Variants in LITAF observed in about 807,000 individuals in gnomAD.
The protein encoded by LITAF is lipopolysaccharide induced TNF factor.
LITAF carries 9 observed loss-of-function variants against 14.5 expected under a neutral mutation model. The ratio of observed to expected loss-of-function variants is 0.62; its 90% confidence interval spans 0.37 to 1.08. LITAF has a LOEUF of 1.08. Among genes scored for constraint, LITAF ranks in the 50% least tolerant of loss-of-function variants. The pLI is 0.01. For synonymous variants in LITAF, 98 were observed against 88.2 expected, an observed-to-expected ratio of 1.11 and a Z score of -0.62; for missense variants, 206 against 213.4, an observed-to-expected ratio of 0.97 and a Z score of 0.22.
upstream of LITAF, among the ~76,000 whole-genome samples, chr16:11,638,561 CGTG>C (rs2065152159): frequency 6.6e-6 from 1 of 151,344 alleles, no homozygotes. Context: ...ATTAGCCGGG[CGTG>C]GTGGTGCATG....
At chr16:11,592,956 G>A (rs1386249814) in intron 1 of LITAF, among the ~76,000 whole-genome samples, 11 of 152,166 alleles carry the variant, frequency 7.2e-5, no homozygotes, top group Admixed American at 6.6e-4. Flanking sequence ...TGATCACGAG[G>A]TCAGGAGATC....
At chr16:11,550,487 C>A (rs951919927) in intron 3 of LITAF, among the ~76,000 whole-genome samples, 3 of 152,166 alleles carry the variant, frequency 2.0e-5, no homozygotes, top group Non-Finnish European at 2.9e-5. Flanking sequence ...TGTGATGACA[C>A]CCCTAGGAAA....
At chr16:11,636,120 T>C (rs1425629210) in intron 1 of LITAF, 1 of 152,176 alleles carries the variant, frequency 6.6e-6, no homozygotes, top group Non-Finnish European at 1.5e-5. Flanking sequence ...ATGGAGAAAT[T>C]TCCCTCCTTA....
intron 1 of LITAF, among the ~76,000 whole-genome samples, chr16:11,594,775 C>T (rs568586036): frequency 6.6e-6 from 1 of 152,028 alleles, no homozygotes; most frequent in Non-Finnish European, 1.5e-5. Flanking sequence ...TCTTGGGAGG[C>T]TGATGCAAGA....
intron 1 of LITAF, among the ~76,000 whole-genome samples, chr16:11,581,258 C>T (rs1160709941): frequency 6.6e-6 from 1 of 152,188 alleles, no homozygotes; most frequent in Admixed American, 6.6e-5. Context: ...AGAAAGTCTT[C>T]TCTCTCCCCT....
At chr16:11,582,512 G>A (rs1052777170) in intron 1 of LITAF, among the ~76,000 whole-genome samples, 8 of 152,062 alleles carry the variant, frequency 5.3e-5, no homozygotes, top group Non-Finnish European at 7.4e-5. Flanking sequence ...CTCGAAGATC[G>A]ATTCTTCCAG....
intron 3 of LITAF, among the ~76,000 whole-genome samples, chr16:11,609,392 T>G (rs1428139965): frequency 6.6e-6 from 1 of 151,902 alleles, no homozygotes; most frequent in African/African-American, 2.4e-5. Context: ...TTTTGTATTT[T>G]TAGTAGAGAT....
At chr16:11,603,585 G>A (rs1199310975) in intron 3 of LITAF, among the ~76,000 whole-genome samples, 2 of 152,250 alleles carry the variant, frequency 1.3e-5, no homozygotes, top group African/African-American at 2.4e-5. Context: ...GGACACAGCT[G>A]CCTGGCAAGG....
At chr16:11,627,509 G>C (rs1417090193) in intron 3 of LITAF, among the ~76,000 whole-genome samples, 2 of 152,222 alleles carry the variant, frequency 1.3e-5, no homozygotes, top group Non-Finnish European at 2.9e-5. Flanking sequence ...TCTGGTTTTT[G>C]CAGCATTCTG....
chr16:11,590,471 G>A (rs2064840808), upstream of LITAF, among the ~76,000 whole-genome samples: 2 of 117,164 alleles, frequency 1.7e-5, 1 homozygote, highest in South Asian at 5.1e-4. Context: ...TTAACTTTTA[G>A]TATAGTATTC....
chr16:11,577,089 G>A (rs2064648248), intron 1 of LITAF, among the ~76,000 whole-genome samples: 1 of 152,048 alleles, frequency 6.6e-6, no homozygotes, highest in Non-Finnish European at 1.5e-5. Flanking sequence ...CATCCTAATT[G>A]CTTCCTGTCT....
intron 3 of LITAF, among the ~76,000 whole-genome samples, chr16:11,615,974 G>T (rs1486691600): frequency 1.3e-5 from 2 of 152,152 alleles, no homozygotes; most frequent in African/African-American, 4.8e-5. Context: ...ATCACCAATG[G>T]CCATGATTTA....
chr16:11,584,410 G>A (rs1002387534), intron 1 of LITAF: 2 of 152,164 alleles, frequency 1.3e-5, no homozygotes, highest in African/African-American at 4.8e-5. Flanking sequence ...TCTGAGCAGT[G>A]AGGATGGGTA....
At chr16:11,627,918 G>A (rs1484750385) in intron 3 of LITAF, among the ~76,000 whole-genome samples, 1 of 150,902 alleles carries the variant, frequency 6.6e-6, no homozygotes, top group East Asian at 2.0e-4. Context: ...TCGGGAGGCC[G>A]AGGCAGGAAA....
At chr16:11,603,534 C>T (rs550715976) in intron 3 of LITAF, among the ~76,000 whole-genome samples, 25 of 152,322 alleles carry the variant, frequency 1.6e-4, no homozygotes, top group Non-Finnish European at 3.2e-4. Context: ...ATGGAACAGG[C>T]GCTCCAGTTT....
rs892669114 is a variant in LITAF, at chr16:11,549,885, G to A, written c.378-140C>T. The A allele has an allele frequency of 1.4e-5, 10 of 703,958 alleles. No homozygotes were observed. Among genetic ancestry groups the A allele is most frequent in the Non-Finnish European group, 2.3e-5 (9 of 392,922 alleles). 43.6% of individuals were successfully genotyped at this position (703,958 alleles called of 1,614,324 possible). Reference sequence around the variant, plus strand: ...AGGAATTTTGAGATGGGATCATCTTGGATTATCCAGGCGGACCCCTAAAAC... The same window carrying A: ...AGGAATTTTGAGATGGGATCATCTTAGATTATCCAGGCGGACCCCTAAAAC... On this transcript the variant is annotated intron_variant, in intron 3 of 3. Transcript: ENST00000622633. This position sits in a 1 kb window ranked among gnomAD's most constrained non-coding sequence, Gnocchi z 4.6.
At position 11,549,894 on chromosome 16, in the gene LITAF, A is replaced by G; in HGVS notation, c.378-149T>C. 1.5e-6 allele frequency: 1 copy of G among 683,904 alleles called. No individual in the cohort carries two copies. The highest frequency in any genetic ancestry group is 1.5e-5 in the South Asian group (1 of 66,758). 42.4% of individuals were successfully genotyped at this position (683,904 alleles called of 1,614,324 possible). A position where few individuals can be genotyped will look rare whatever the true frequency, so the allele number is the denominator to read the frequency against. The stretch of plus-strand genomic sequence containing the variant: ...GAGATGGGATCATCTTGGATTATCC[A>G]GGCGGACCCCTAAAACCCAATGACC... On this transcript the variant is annotated intron_variant, in intron 3 of 3. Coordinates refer to ENST00000622633, the MANE Select transcript of LITAF (RefSeq NM_001136472.2). The surrounding 1 kb of genome is among the most constrained non-coding windows in gnomAD (Gnocchi z 4.6).
At chr16:11,594,486 G>C (rs539767168) in intron 1 of LITAF, among the ~76,000 whole-genome samples, 45 of 152,036 alleles carry the variant, frequency 3.0e-4, no homozygotes, top group Middle Eastern at 3.2e-3. Context: ...AGGAAAAACT[G>C]GTTCCCTAAA....
chr16:11,617,419 C>T (rs1386752408), intron 3 of LITAF, among the ~76,000 whole-genome samples: 1 of 141,874 alleles, frequency 7.0e-6, no homozygotes, highest in African/African-American at 2.6e-5. Flanking sequence ...CAATATATGG[C>T]TTCACTCTTT....
Sources: allele counts gnomAD v4.1 joint callset (sites outside exome capture counted in the v4.1 genomes callset), GRCh38; gene constraint gnomAD v4.1.1; non-coding constraint Gnocchi (gnomAD v3.1); transcripts MANE v1.5; gene names NCBI Gene and HGNC (gene_info 2026-07-23, HGNC 2026-07-21).